ADH5: variants seen among roughly 807,000 people sequenced by gnomAD.
ADH5 encodes alcohol dehydrogenase class-3.
In ADH5, 32 loss-of-function variants were observed where a neutral mutation model predicts 40.3. The ratio of observed to expected loss-of-function variants is 0.79; its 90% CI spans 0.60 to 1.07. The LOEUF (loss-of-function observed/expected upper bound fraction) is 1.07, where lower values mean the gene tolerates loss of function less well. Ranked by LOEUF, ADH5 falls within the 50% of genes least tolerant of loss-of-function variation. The pLI is 0.00. For synonymous variants in ADH5, 125 were observed against 154.3 expected (o/e 0.81, Z 1.41); for missense variants, 353 against 460.5 (o/e 0.77, Z 2.14).
chr4:99,088,091 G>GT (rs1386284572), intron 1 of ADH5, among the ~76,000 whole-genome samples: 1 of 152,168 alleles, frequency 6.6e-6, no homozygotes, highest in Non-Finnish European at 1.5e-5. Context: ...TCAGTTTTTG[G>GT]TAAGATGGGG....
rs752519844 is a variant in ADH5 at position 99,088,673 on chromosome 4, G to A, written c.12+16C>T. ...CCCTCCCTTGGACTCAGGGCCCTCCGCTCAACGGGCCCTACCTCGTTCGCC... is the reference window on the plus strand; with the variant it reads ...CCCTCCCTTGGACTCAGGGCCCTCCACTCAACGGGCCCTACCTCGTTCGCC... On this transcript the variant is annotated intron_variant, in intron 1 of 8. Coordinates refer to ENST00000296412, the MANE Select transcript of ADH5 (RefSeq NM_000671.4). 3.1e-5 allele frequency: 50 copies of A among 1,606,162 alleles called. No individual in the cohort carries two copies. The highest frequency in any genetic ancestry group is 3.3e-4 in the Middle Eastern group (2 of 6,038).
In ADH5 at chr4:99,084,653, C is replaced by T. The variant is rs559012781; in HGVS notation, c.114+462G>A. Reference sequence around the variant, plus strand: ...GCCATTCTTTTATTTCTTTGCTTCTCTAATAAACTTGCTTCCACTTTATCC... The same window carrying T: ...GCCATTCTTTTATTTCTTTGCTTCTTTAATAAACTTGCTTCCACTTTATCC... On this transcript the variant is annotated intron_variant, in intron 2 of 8. Transcript: ENST00000296412. Among the ~76,000 whole-genome samples the T allele has an allele frequency of 1.0e-3, 159 of 152,330 alleles. 1 individual carries two copies. The highest frequency in any genetic ancestry group is 2.9e-3 in the Admixed American group (45 of 15,302).
intron 6 of ADH5, 42 bp downstream of exon 6, chr4:99,076,250 A>C (rs1482394266): frequency 6.3e-7 from 1 of 1,587,538 alleles, no homozygotes; most frequent in Non-Finnish European, 8.6e-7. Flanking sequence ...ACTTCAAAAA[A>C]AGCAGTTCCA....
intron 7 of ADH5, among the ~76,000 whole-genome samples, chr4:99,074,308 A>G (rs1727882755): frequency 6.6e-6 from 1 of 152,182 alleles, no homozygotes; most frequent in Non-Finnish European, 1.5e-5. Flanking sequence ...CCTCTGGCTG[A>G]GCAACCATGG....
At chr4:99,080,086 A>G in intron 4 of ADH5, 1 of 405,618 alleles carries the variant, frequency 2.5e-6, no homozygotes, top group Non-Finnish European at 4.8e-6. Context: ...ATATGAACAA[A>G]TATTTACAGT....
intron 4 of ADH5, among the ~76,000 whole-genome samples, chr4:99,078,048 T>C (rs945457380): frequency 1.3e-5 from 2 of 152,246 alleles, no homozygotes; most frequent in African/African-American, 2.4e-5. Flanking sequence ...TTAGTAATTA[T>C]GTTATTTTAA....
chr4:99,078,405 CA>C (rs1367528158), intron 4 of ADH5, among the ~76,000 whole-genome samples: 1 of 152,080 alleles, frequency 6.6e-6, no homozygotes, highest in Non-Finnish European at 1.5e-5. Flanking sequence ...AAAGCTCCAT[CA>C]GAAAGAATTT....
chr4:99,072,110 A>G lies in ADH5; in HGVS notation c.*307T>C, dbSNP rs569102930. Reference sequence around the variant, plus strand: ...TGCAGAATGAAGATAATGGGCAGACAAACCGTGACAATGATGACAGCATAA... The same window carrying G: ...TGCAGAATGAAGATAATGGGCAGACGAACCGTGACAATGATGACAGCATAA... On this transcript the variant is annotated 3_prime_UTR_variant, in exon 9 of 9. Transcript: ENST00000296412. The G allele has an allele frequency of 2.8e-5, 8 of 287,984 alleles. 1 individual carries two copies. Among genetic ancestry groups the G allele is most frequent in the African/African-American group, 1.7e-4 (8 of 45,882 alleles). The allele number at this position is 287,984 out of a possible 1,614,324, so 17.8% of individuals were successfully genotyped here.
chr4:99,078,194 G>A (rs1273432327), intron 4 of ADH5, among the ~76,000 whole-genome samples: 2 of 152,134 alleles, frequency 1.3e-5, no homozygotes, highest in Admixed American at 6.6e-5. Context: ...CAAGTAGCTG[G>A]TACTACAGGG....
rs1477137514 is a variant in ADH5 at position 99,076,933 on chromosome 4, A to G, written c.345-10T>C. 3 of 1,586,630 alleles carry G rather than the reference A, an allele frequency of 1.9e-6. No homozygotes were observed. Among genetic ancestry groups the G allele is most frequent in the Non-Finnish European group, 2.6e-6 (3 of 1,168,460 alleles). On this transcript the variant is annotated splice_polypyrimidine_tract_variant and intron_variant, in intron 4 of 8. Coordinates refer to ENST00000296412, the MANE Select transcript of ADH5 (RefSeq NM_000671.4). ...TTTCCCTTGAGTGACTCTAAAGAAA[A>G]AAAAAGGAAAAAGGCAAGTTGGAAT...
At chr4:99,087,292 G>A (rs1253509655) in intron 1 of ADH5, among the ~76,000 whole-genome samples, 2 of 150,660 alleles carry the variant, frequency 1.3e-5, no homozygotes, top group African/African-American at 2.4e-5. Context: ...TGAGACAGGA[G>A]AATCGCTTGA....
At chr4:99,083,563 G>A (rs1480536588) in intron 2 of ADH5, among the ~76,000 whole-genome samples, 7 of 131,912 alleles carry the variant, frequency 5.3e-5, no homozygotes, top group Non-Finnish European at 1.1e-4. Context: ...TCGCACCACT[G>A]CACTCCAGCC....
intron 1 of ADH5, 49 bp from the exon 2 acceptor site, chr4:99,085,265 A>C (rs1489928389): frequency 6.4e-6 from 6 of 931,368 alleles, no homozygotes; most frequent in Middle Eastern, 2.2e-4. Context: ...CTAAACAAGT[A>C]ACTACTTAAT....
rs1373543635 is a variant in ADH5 at position 99,072,115 on chromosome 4, G to A, written c.*302C>T. 2 of 296,606 alleles carry A rather than the reference G, an allele frequency of 6.7e-6. No individual in the cohort carries two copies. The highest frequency in any genetic ancestry group is 1.2e-5 in the Non-Finnish European group (2 of 161,270). The allele number at this position is 296,606 out of a possible 1,614,324, so 18.4% of individuals were successfully genotyped here. The stretch of plus-strand genomic sequence containing the variant: ...AATGAAGATAATGGGCAGACAAACC[G>A]TGACAATGATGACAGCATAAAACAA... On this transcript the variant is annotated 3_prime_UTR_variant, in exon 9 of 9. Coordinates refer to ENST00000296412, the MANE Select transcript of ADH5 (RefSeq NM_000671.4).
intron 7 of ADH5, 71 bp downstream of exon 7, chr4:99,074,843 T>C: frequency 6.8e-7 from 1 of 1,463,088 alleles, no homozygotes; most frequent in Non-Finnish European, 9.1e-7. Flanking sequence ...AAAAATTAGG[T>C]GGCTGGGATT....
intron 7 of ADH5, 35 bp from the exon 8 acceptor site, chr4:99,072,746 T>C (rs1727857642): frequency 6.3e-7 from 1 of 1,585,968 alleles, no homozygotes; most frequent in African/African-American, 1.4e-5. Flanking sequence ...ATTCAACAAA[T>C]TTCTGCAGTA....
intron 1 of ADH5, among the ~76,000 whole-genome samples, chr4:99,087,812 A>G (rs1728177865): frequency 6.6e-6 from 1 of 152,222 alleles, no homozygotes. Context: ...TAATAAGGAA[A>G]AGCAACTACC....
chr4:99,088,680 G>C lies in ADH5; in HGVS notation c.12+9C>G, dbSNP rs758146818. ...TTGGACTCAGGGCCCTCCGCTCAAC[G>C]GGCCCTACCTCGTTCGCCATGTTCA... On this transcript the variant is annotated intron_variant, in intron 1 of 8. Transcript: ENST00000296412. The C allele has an allele frequency of 5.6e-6, 9 of 1,606,112 alleles. No homozygotes were observed. Among genetic ancestry groups the C allele is most frequent in the Middle Eastern group, 1.7e-4 (1 of 6,020 alleles).
chr4:99,083,731 G>C (rs1728073807), intron 2 of ADH5, among the ~76,000 whole-genome samples: 1 of 152,002 alleles, frequency 6.6e-6, no homozygotes, highest in Non-Finnish European at 1.5e-5. Flanking sequence ...GATGGTAGGG[G>C]AAGTATACTC....
Sources: allele counts gnomAD v4.1 joint callset (sites outside exome capture counted in the v4.1 genomes callset), GRCh38; gene constraint gnomAD v4.1.1; transcripts MANE v1.5; gene names NCBI Gene and HGNC (gene_info 2026-07-23, HGNC 2026-07-21).